Variants in MIB1 observed in about 807,000 individuals in gnomAD.
MIB1 encodes E3 ubiquitin-protein ligase MIB1.
MIB1 carries 278 observed loss-of-function variants against 124.5 expected under a neutral mutation model. The observed-to-expected ratio is 2.23, with a 90% confidence interval of 2.02 to 2.47. The LOEUF (loss-of-function observed/expected upper bound fraction) is 2.47. Among genes scored for constraint, MIB1 ranks in the 30% most tolerant of loss-of-function variants. MIB1 has a pLI of 0.00. For missense variants in MIB1, 957 were observed against 1,254.4 expected (o/e 0.76, Z 3.58); for synonymous variants, 446 against 429.4 (o/e 1.04, Z -0.48).
At position 21,869,483 on chromosome 18, in the gene MIB1, G is replaced by A. The variant is rs1426662493; in HGVS notation, c.*4817G>A. The stretch of plus-strand genomic sequence containing the variant: ...AAAACTTTATAAAAGATGGTCTTTA[G>A]TGCACGTGTATCATTATATACACGT... On this transcript the variant is annotated 3_prime_UTR_variant, in exon 21 of 21. Coordinates refer to ENST00000261537, the MANE Select transcript of MIB1 (RefSeq NM_020774.4). 1 of 152,404 alleles carries A rather than the reference G, an allele frequency of 6.6e-6. No individual in the cohort carries two copies. Among genetic ancestry groups the A allele is most frequent in the African/African-American group, 2.4e-5 (1 of 41,414 alleles). The allele number at this position is 152,404 out of a possible 1,614,324, so 9.4% of individuals were successfully genotyped here. A position where few individuals can be genotyped will look rare whatever the true frequency, so the allele number is the denominator to read the frequency against.
chr18:21,839,550 G>A (rs1028575573), intron 13 of MIB1, among the ~76,000 whole-genome samples: 3 of 152,126 alleles, frequency 2.0e-5, no homozygotes, highest in Non-Finnish European at 2.9e-5. Context: ...TGTCACCCAG[G>A]CTGGAGTACA....
chr18:21,723,508 T>C (rs1394317486), intron 1 of MIB1, among the ~76,000 whole-genome samples: 1 of 152,178 alleles, frequency 6.6e-6, no homozygotes, highest in Non-Finnish European at 1.5e-5. Context: ...CATGTGTATA[T>C]ACATATCTAT....
rs1478935672 is a variant in MIB1, at chr18:21,803,922, G to T, written c.1387G>T (p.Ala463Ser). 3 of 1,612,770 alleles carry T rather than the reference G, an allele frequency of 1.9e-6. No individual in the cohort carries two copies. Residue 463 changes from alanine to serine, a missense_variant, in exon 10 of 21, where the codon GCT (alanine) becomes TCT (serine). By Grantham distance (99) the Ala-to-Ser change is moderately conservative. Transcript: ENST00000261537. ...RPDVDVNGQC[A>S]GHTAMQAASQ... Reference sequence around the variant, plus strand: ...AAAAATGTAGGTAAATGGGCAATGTGCTGGCCACACAGCTATGCAAGCTGC... The same window carrying T: ...AAAAATGTAGGTAAATGGGCAATGTTCTGGCCACACAGCTATGCAAGCTGC...
At chr18:21,742,540 AC>A (rs2040866254) in intron 1 of MIB1, among the ~76,000 whole-genome samples, 1 of 152,102 alleles carries the variant, frequency 6.6e-6, no homozygotes, top group Non-Finnish European at 1.5e-5. Flanking sequence ...TCAGAATCTT[AC>A]TCATTCACCC....
At chr18:21,833,828 A>G (rs2042004043) in intron 12 of MIB1, among the ~76,000 whole-genome samples, 1 of 152,210 alleles carries the variant, frequency 6.6e-6, no homozygotes, top group African/African-American at 2.4e-5. Flanking sequence ...CTGGAACTTA[A>G]TGCTTCTTTG....
At chr18:21,776,309 C>A (rs1285240628) in intron 4 of MIB1, among the ~76,000 whole-genome samples, 1 of 151,548 alleles carries the variant, frequency 6.6e-6, no homozygotes, top group African/African-American at 2.4e-5. Flanking sequence ...AATTTGACAC[C>A]TATGTCTCTT....
chr18:21,852,038 A>G (rs1051964850), intron 17 of MIB1, among the ~76,000 whole-genome samples: 1 of 152,164 alleles, frequency 6.6e-6, no homozygotes, highest in Admixed American at 6.5e-5. Flanking sequence ...TTAGGCACTG[A>G]TTTTATATAT....
intron 20 of MIB1, among the ~76,000 whole-genome samples, chr18:21,864,263 A>G (rs1251264475): frequency 6.6e-6 from 1 of 152,192 alleles, no homozygotes; most frequent in African/African-American, 2.4e-5. Context: ...GGTGTGAGCC[A>G]GGGTGTCTGG....
chr18:21,765,801 A>ACCTG lies in MIB1; in HGVS notation c.262_265dup (p.Arg89LeufsTer20). The ACCTG allele has an allele frequency of 6.2e-7, 1 of 1,614,158 alleles. No individual in the cohort carries two copies. The highest frequency in any genetic ancestry group is 8.5e-7 in the Non-Finnish European group (1 of 1,179,998). The stretch of plus-strand genomic sequence containing the variant: ...CAAGCATGATGGAACCATGTGTGAT[A>ACCTG]CCTGCCGCCAGCAACCAATCATTGG... On this transcript the variant is annotated frameshift_variant, in exon 2 of 21. Transcript: ENST00000261537. LOFTEE classifies it high-confidence loss of function.
intron 1 of MIB1, among the ~76,000 whole-genome samples, chr18:21,706,633 C>T (rs1371309074): frequency 2.0e-5 from 3 of 152,168 alleles, no homozygotes; most frequent in Non-Finnish European, 4.4e-5. Flanking sequence ...CACCGCCGGC[C>T]CTGGCCAGTG....
intron 1 of MIB1, among the ~76,000 whole-genome samples, chr18:21,712,710 A>C (rs1210531044): frequency 6.6e-6 from 1 of 152,342 alleles, no homozygotes; most frequent in African/African-American, 2.4e-5. Flanking sequence ...TCAACGTTTT[A>C]ACTTCAGCCT....
At chr18:21,717,137 CAAAA>C (rs2040693156) in intron 1 of MIB1, among the ~76,000 whole-genome samples, 3 of 151,960 alleles carry the variant, frequency 2.0e-5, no homozygotes, top group South Asian at 4.1e-4. Flanking sequence ...ACAAAGCAAA[CAAAA>C]AGAAAGTGGG....
Position 21,740,893 on chromosome 18 carries a change from C to G in MIB1, c.-691C>G, listed in dbSNP as rs1452264006. On this transcript the variant is annotated 5_prime_UTR_variant, in exon 1 of 21. It adds an upstream start codon to the 5' untranslated region. Coordinates refer to ENST00000261537, the MANE Select transcript of MIB1 (RefSeq NM_020774.4). ...TTCCCACTCTATTATTGCCGAGGAT[C>G]CCCCTCCTAGACACTCTGAGAAGGT... is the stretch of plus-strand genomic sequence containing the variant. Among the ~76,000 whole-genome samples the G allele has an allele frequency of 6.6e-6, 1 of 152,266 alleles. No homozygotes were observed. Among genetic ancestry groups the G allele is most frequent in the East Asian group, 1.9e-4 (1 of 5,188 alleles).
chr18:21,706,545 G>A (rs1389772407), intron 1 of MIB1, among the ~76,000 whole-genome samples: 1 of 152,206 alleles, frequency 6.6e-6, no homozygotes, highest in African/African-American at 2.4e-5. Flanking sequence ...CGGGGCTGCT[G>A]TGCCCCGCGA....
chr18:21,709,315 CAAAAA>C (rs10711398), intron 1 of MIB1, among the ~76,000 whole-genome samples: 1 of 80,044 alleles, frequency 1.2e-5, no homozygotes. Flanking sequence ...GAGACTGTCT[CAAAAA>C]AAAAAAAAAA....
intron 10 of MIB1, among the ~76,000 whole-genome samples, chr18:21,805,900 C>CTTTTTTTT (rs35904303): frequency 4.8e-5 from 5 of 105,124 alleles, no homozygotes; most frequent in African/African-American, 7.9e-5. Flanking sequence ...TCTTTCTTTC[C>CTTTTTTTT]TTTTTTTTTT....
chr18:21,742,451 T>G (rs1415412479), intron 1 of MIB1, among the ~76,000 whole-genome samples: 1 of 152,146 alleles, frequency 6.6e-6, no homozygotes. Context: ...GTTAAATACT[T>G]TTTCCAAGTG....
intron 1 of MIB1, among the ~76,000 whole-genome samples, chr18:21,730,124 G>T (rs2040761644): frequency 6.6e-6 from 1 of 152,190 alleles, no homozygotes; most frequent in Non-Finnish European, 1.5e-5. Flanking sequence ...ATTGTAGTCT[G>T]ATTTGTGCCA....
intron 9 of MIB1, among the ~76,000 whole-genome samples, chr18:21,802,100 C>T (rs897140115): frequency 2.6e-5 from 4 of 152,024 alleles, no homozygotes; most frequent in Admixed American, 2.6e-4. Flanking sequence ...AAGTCATTTT[C>T]CTGTAGAATA....
Sources: gnomAD v4.1 joint callset for allele counts (sites outside exome capture counted in the v4.1 genomes callset) on GRCh38, gnomAD v4.1.1 for gene constraint, MANE v1.5 for transcripts, NCBI Gene and HGNC (gene_info 2026-07-23, HGNC 2026-07-21) for gene names.